PLCE1: variants seen among roughly 807,000 people sequenced by gnomAD.
PLCE1 encodes 1-phosphatidylinositol 4,5-bisphosphate phosphodiesterase epsilon-1.
A neutral mutation model predicts 242.8 loss-of-function variants in PLCE1; 119 were observed. The ratio of observed to expected loss-of-function variants is 0.49; its 90% confidence interval spans 0.42 to 0.57. The LOEUF (loss-of-function observed/expected upper bound fraction) is 0.57. PLCE1 is among the 20% of genes least tolerant of loss of function. PLCE1 has a pLI of 0.00. For missense variants in PLCE1, 2,441 were observed against 2,788.8 expected, an observed-to-expected ratio of 0.88 and a Z score of 2.81; for synonymous variants, 945 against 1,017.4, an observed-to-expected ratio of 0.93 and a Z score of 1.35.
intron 18 of PLCE1, among the ~76,000 whole-genome samples, chr10:94,272,364 A>G (rs908827236): frequency 6.6e-6 from 1 of 152,232 alleles, no homozygotes; most frequent in Non-Finnish European, 1.5e-5. Flanking sequence ...CTCTGCAACA[A>G]GAAAAATATG....
intron 8 of PLCE1, among the ~76,000 whole-genome samples, chr10:94,251,613 T>A (rs546589873): frequency 1.8e-4 from 27 of 152,190 alleles, no homozygotes; most frequent in Non-Finnish European, 3.7e-4. Flanking sequence ...AATTAATAGA[T>A]CCCTGCTGTT....
chr10:94,235,865 T>C lies in PLCE1; in HGVS notation c.2215-50T>C, dbSNP rs763453661. On this transcript the variant is annotated intron_variant, in intron 6 of 32. Coordinates refer to ENST00000371380, the MANE Select transcript of PLCE1 (RefSeq NM_016341.4). ...ATTTCATTTCCCTAGCCAAGTATGT[T>C]ATCCAGGCATATTAAGTTGCAATAG... is the stretch of plus-strand genomic sequence containing the variant. 3.1e-5 allele frequency: 48 copies of C among 1,527,008 alleles called. No homozygotes were observed. In the South Asian group the frequency reaches 5.2e-4, roughly 16 times the overall value. 94.6% of individuals were successfully genotyped at this position (1,527,008 alleles called of 1,614,324 possible). A position where few individuals can be genotyped will look rare whatever the true frequency, so the allele number is the denominator to read the frequency against.
intron 2 of PLCE1, among the ~76,000 whole-genome samples, chr10:94,122,042 A>G (rs991702159): frequency 3.9e-5 from 6 of 152,184 alleles, no homozygotes; most frequent in African/African-American, 1.4e-4. Context: ...ATAGGTTGGC[A>G]TTGGTCCCCT....
intron 1 of PLCE1, among the ~76,000 whole-genome samples, chr10:93,995,157 G>A (rs1452412922): frequency 6.6e-6 from 1 of 152,184 alleles, no homozygotes; most frequent in Non-Finnish European, 1.5e-5. Context: ...GACTTGGGAG[G>A]TGGAAGCAGG....
chr10:94,288,111 C>T (rs1367295062), intron 22 of PLCE1, among the ~76,000 whole-genome samples: 1 of 152,020 alleles, frequency 6.6e-6, no homozygotes, highest in East Asian at 1.9e-4. Context: ...TTTAGTGGTA[C>T]AAGTAGTTTT....
At chr10:94,312,243 C>T (rs934127117) in intron 27 of PLCE1, among the ~76,000 whole-genome samples, 2 of 152,130 alleles carry the variant, frequency 1.3e-5, no homozygotes, top group Non-Finnish European at 2.9e-5. Flanking sequence ...ACCTCTCCTC[C>T]CCACCCCAAA....
chr10:94,297,151 A>T (rs2052855635), intron 23 of PLCE1, among the ~76,000 whole-genome samples: 1 of 152,168 alleles, frequency 6.6e-6, no homozygotes, highest in Non-Finnish European at 1.5e-5. Flanking sequence ...TGCAGGCATG[A>T]GCCACCGTGA....
intron 4 of PLCE1, among the ~76,000 whole-genome samples, chr10:94,206,927 C>T (rs2049173665): frequency 6.6e-6 from 1 of 152,224 alleles, no homozygotes; most frequent in South Asian, 2.1e-4. Context: ...CACATACATG[C>T]ACACACGTAC....
At chr10:94,286,512 T>C (rs1476058720) in intron 22 of PLCE1, among the ~76,000 whole-genome samples, 1 of 152,160 alleles carries the variant, frequency 6.6e-6, no homozygotes, top group East Asian at 1.9e-4. Flanking sequence ...TAGGTAATAG[T>C]GAGCTTTTCA....
At chr10:94,033,138 C>G (rs2061594904) in intron 2 of PLCE1, among the ~76,000 whole-genome samples, 3 of 151,874 alleles carry the variant, frequency 2.0e-5, no homozygotes, top group African/African-American at 7.3e-5. Context: ...ACATAAGGGA[C>G]TTGAGCATTC....
intron 3 of PLCE1, among the ~76,000 whole-genome samples, chr10:94,150,298 C>A (rs2047235569): frequency 6.6e-6 from 1 of 152,088 alleles, no homozygotes; most frequent in South Asian, 2.1e-4. Flanking sequence ...AAGTTGATGC[C>A]CCTACAAATT....
At chr10:94,094,353 A>G (rs1312509229) in intron 2 of PLCE1, among the ~76,000 whole-genome samples, 3 of 152,178 alleles carry the variant, frequency 2.0e-5, no homozygotes, top group Non-Finnish European at 2.9e-5. Flanking sequence ...AGTAGAGCAG[A>G]GTTCCTCAAC....
intron 3 of PLCE1, among the ~76,000 whole-genome samples, chr10:94,146,505 G>A (rs1010421437): frequency 5.3e-5 from 8 of 152,174 alleles, no homozygotes; most frequent in Admixed American, 1.3e-4. Flanking sequence ...CAGAGCAGCT[G>A]GGAGCAAGGC....
At chr10:94,215,468 G>A (rs1426471070) in intron 4 of PLCE1, among the ~76,000 whole-genome samples, 1 of 152,142 alleles carries the variant, frequency 6.6e-6, no homozygotes, top group African/African-American at 2.4e-5. Context: ...CAGCAGGAAG[G>A]TTATATTAGC....
At chr10:94,172,942 TACA>T (rs1351053262) in intron 4 of PLCE1, among the ~76,000 whole-genome samples, 2 of 152,310 alleles carry the variant, frequency 1.3e-5, no homozygotes, top group South Asian at 2.1e-4. Context: ...GGCCCATGAA[TACA>T]ACGAGTGTTA....
At chr10:94,161,972 A>G (rs982053378) in intron 3 of PLCE1, among the ~76,000 whole-genome samples, 4 of 152,126 alleles carry the variant, frequency 2.6e-5, no homozygotes, top group Admixed American at 2.6e-4. Flanking sequence ...TGATTTGCAT[A>G]TGTTGAACCA....
chr10:94,262,952 A>C (rs939256820), intron 14 of PLCE1, among the ~76,000 whole-genome samples: 1 of 149,612 alleles, frequency 6.7e-6, no homozygotes, highest in African/African-American at 2.5e-5. Flanking sequence ...GCTCACTACA[A>C]CCTCCGCCTC....
At chr10:94,246,860 C>T (rs2050701444) in intron 8 of PLCE1, among the ~76,000 whole-genome samples, 1 of 152,150 alleles carries the variant, frequency 6.6e-6, no homozygotes, top group Non-Finnish European at 1.5e-5. Flanking sequence ...GCCTGTAATC[C>T]CAGCACTCTG....
At chr10:94,079,400 G>A (rs1488060403) in intron 2 of PLCE1, among the ~76,000 whole-genome samples, 2 of 152,018 alleles carry the variant, frequency 1.3e-5, no homozygotes, top group Admixed American at 6.6e-5. Flanking sequence ...CCAAGATGTC[G>A]GTTTTCATTA....
Sources: gnomAD v4.1 joint callset for allele counts (sites outside exome capture counted in the v4.1 genomes callset) on GRCh38, gnomAD v4.1.1 for gene constraint, MANE v1.5 for transcripts, NCBI Gene and HGNC (gene_info 2026-07-23, HGNC 2026-07-21) for gene names.